Variants in SIRPG observed in about 807,000 individuals in gnomAD.
SIRPG encodes the protein signal regulatory protein gamma.
Under a neutral mutation model 35.7 loss-of-function variants are expected in SIRPG, and 38 were observed. That is an observed-to-expected ratio of 1.06 (90% CI 0.82 to 1.40). The LOEUF is 1.40. Among genes scored for constraint, SIRPG ranks in the 40% most tolerant of loss-of-function variants. The probability of loss-of-function intolerance (pLI) is 0.00; values close to 1 mark genes in which losing one functional copy is unlikely to be tolerated. For synonymous variants in SIRPG, 215 were observed against 190.4 expected (o/e 1.13, Z -1.06); for missense variants, 519 against 483.0 (o/e 1.07, Z -0.70).
intron 4 of SIRPG, among the ~76,000 whole-genome samples, chr20:1,634,975 G>A (rs1029260765): frequency 1.1e-4 from 16 of 151,848 alleles, no homozygotes; most frequent in Admixed American, 3.9e-4. Context: ...CCCGGGAGGC[G>A]GAGCTTGCGG....
At chr20:1,682,782 A>G in the SIRPG span, among the ~76,000 whole-genome samples, 1 of 152,338 alleles carries the variant, frequency 6.6e-6, no homozygotes, top group Non-Finnish European at 1.5e-5. Context: ...GTTCTGTAAC[A>G]TTGGTCTAGG....
At chr20:1,631,461 T>C (rs2091749397) in intron 4 of SIRPG, among the ~76,000 whole-genome samples, 1 of 152,200 alleles carries the variant, frequency 6.6e-6, no homozygotes, top group Non-Finnish European at 1.5e-5. Flanking sequence ...CAGGAGCAGC[T>C]GGGTCTTTGT....
At chr20:1,633,768 C>T (rs1381870399) in intron 4 of SIRPG, 3 of 152,236 alleles carry the variant, frequency 2.0e-5, no homozygotes, top group Non-Finnish European at 2.9e-5. Context: ...GGAGTTGAGA[C>T]TCCTCCTGGT....
the SIRPG span, among the ~76,000 whole-genome samples, chr20:1,665,817 A>C: frequency 3.3e-5 from 5 of 152,064 alleles, no homozygotes; most frequent in Admixed American, 1.3e-4. Context: ...TATTTATGTC[A>C]TTTTGCCCAT....
At chr20:1,642,610 CATG>C (rs1441962874) in intron 2 of SIRPG, among the ~76,000 whole-genome samples, 1 of 152,140 alleles carries the variant, frequency 6.6e-6, no homozygotes, top group Non-Finnish European at 1.5e-5. Context: ...ATCCTGTCTT[CATG>C]ATGCTATCTG....
chr20:1,658,744 C>G (rs972197189), upstream of SIRPG, among the ~76,000 whole-genome samples: 12 of 152,112 alleles, frequency 7.9e-5, no homozygotes, highest in Admixed American at 7.2e-4. Flanking sequence ...ACTCACGGTG[C>G]CAGGTGAAGT....
chr20:1,632,625 C>G (rs924010696), intron 4 of SIRPG, among the ~76,000 whole-genome samples: 3 of 151,900 alleles, frequency 2.0e-5, no homozygotes, highest in African/African-American at 7.3e-5. Context: ...AAACTATGAA[C>G]CCTAGAAACA....
chr20:1,685,580 G>A, the SIRPG span, among the ~76,000 whole-genome samples: 3,437 of 152,232 alleles, frequency 0.023, 122 homozygotes, highest in African/African-American at 0.076. Context: ...GTAAATGTCT[G>A]TAATTTTAGC....
chr20:1,647,080 G>A (rs1016636101), intron 2 of SIRPG: 1 of 151,040 alleles, frequency 6.6e-6, no homozygotes, highest in Non-Finnish European at 1.5e-5. Context: ...CTGTAAGTCA[G>A]GCTGGTGGGG....
At chr20:1,659,030 G>A (rs960403273), upstream of SIRPG, among the ~76,000 whole-genome samples, 4 of 152,162 alleles carry the variant, frequency 2.6e-5, no homozygotes, top group Non-Finnish European at 4.4e-5. Context: ...GTAAATAAAT[G>A]TTAGAATATG....
At chr20:1,635,993 C>A (rs2091796421) in intron 3 of SIRPG, among the ~76,000 whole-genome samples, 195 bp downstream of exon 3, 1 of 152,182 alleles carries the variant, frequency 6.6e-6, no homozygotes, top group African/African-American at 2.4e-5. Context: ...CAGAGCTTGG[C>A]ACGTGATTGC....
At chr20:1,669,090 G>A in the SIRPG span, among the ~76,000 whole-genome samples, 430 of 152,280 alleles carry the variant, frequency 2.8e-3, 3 homozygotes, top group African/African-American at 9.9e-3. Flanking sequence ...AAAGAGAGGG[G>A]AATATCGGCC....
At chr20:1,644,955 G>A (rs1430223108) in intron 2 of SIRPG, among the ~76,000 whole-genome samples, 5 of 152,172 alleles carry the variant, frequency 3.3e-5, no homozygotes, top group African/African-American at 1.2e-4. Context: ...TTTTCCATGG[G>A]AGCCTCCTAT....
At chr20:1,658,950 T>G (rs2091988640), upstream of SIRPG, among the ~76,000 whole-genome samples, 1 of 152,160 alleles carries the variant, frequency 6.6e-6, no homozygotes, top group South Asian at 2.1e-4. Context: ...GATTAATTCC[T>G]CCTCTTACAA....
the SIRPG span, among the ~76,000 whole-genome samples, chr20:1,667,681 T>C: frequency 6.6e-6 from 1 of 152,196 alleles, no homozygotes; most frequent in Non-Finnish European, 1.5e-5. Context: ...CAAATAAGCA[T>C]GTTCTGGGCA....
Position 1,634,216 on chromosome 20 carries a change from T to G in SIRPG, c.1081+1051A>C, listed in dbSNP as rs912693731. Among the ~76,000 whole-genome samples the G allele has an allele frequency of 1.5e-4, 23 of 150,750 alleles. 1 individual carries two copies. Among genetic ancestry groups the G allele is most frequent in the Non-Finnish European group, 3.0e-5 (2 of 67,642 alleles). ...ACCTGCAGGCCTGGTACAGTTTTTT[T>G]TTTTTTTTTTGACAGAGTCTCGCTC... On this transcript the variant is annotated intron_variant, in intron 4 of 5. Transcript: ENST00000303415.
chr20:1,645,329 C>A (rs1169543953), intron 2 of SIRPG, among the ~76,000 whole-genome samples: 2 of 152,134 alleles, frequency 1.3e-5, no homozygotes, highest in African/African-American at 4.8e-5. Flanking sequence ...CTTCTGGAGT[C>A]ATGAAGAGTT....
At chr20:1,680,452 A>G in the SIRPG span, among the ~76,000 whole-genome samples, 1 of 152,222 alleles carries the variant, frequency 6.6e-6, no homozygotes, top group Non-Finnish European at 1.5e-5. Context: ...TTGGAAACTA[A>G]GCTTCCACTA....
Position 1,636,282 on chromosome 20 carries a change from C to T in SIRPG, c.654G>A (p.Trp218Ter), listed in dbSNP as rs755894803. ...RSTARVVLDP[W>*]DVRSQVICEV... ...CGCAGATGACCTGAGAGCGAACGTC[C>T]CAGGGGTCCAGTACCACCCTGGCTG... is the stretch of plus-strand genomic sequence containing the variant. The change falls in exon 3 of 6, where the codon TGG becomes TGA. Residue 218 changes from tryptophan to a stop codon, truncating the protein, a stop_gained. Transcript: ENST00000303415. LOFTEE classifies it high-confidence loss of function. The T allele has an allele frequency of 1.1e-5, 17 of 1,614,218 alleles. No homozygotes were observed. The highest frequency in any genetic ancestry group is 1.4e-5 in the Non-Finnish European group (16 of 1,180,036).
Sources: gnomAD v4.1 joint callset for allele counts (sites outside exome capture counted in the v4.1 genomes callset) on GRCh38, gnomAD v4.1.1 for gene constraint, MANE v1.5 for transcripts, NCBI Gene and HGNC (gene_info 2026-07-23, HGNC 2026-07-21) for gene names.